The following ZSCAN25 variants were observed in gnomAD, a reference collection of about 807,000 sequenced individuals.
ZSCAN25 encodes zinc finger and SCAN domain containing 25, also known as zinc finger and SCAN domain-containing protein 25.
In ZSCAN25, 27 loss-of-function variants were observed where a neutral mutation model predicts 38.7. The observed-to-expected ratio is 0.70, with a 90% CI of 0.51 to 0.96. ZSCAN25 has a LOEUF of 0.96. ZSCAN25 is among the 40% of genes least tolerant of loss of function. The pLI, the probability that ZSCAN25 is intolerant of heterozygous loss-of-function variation, is 0.00. For synonymous variants in ZSCAN25, 273 were observed against 277.7 expected (o/e 0.98, Z 0.17); for missense variants, 637 against 705.9 (o/e 0.90, Z 1.11).
At chr7:99,715,623 C>A in the ZSCAN25 span, 4 of 1,446,518 alleles carry the variant, frequency 2.8e-6, no homozygotes, top group African/African-American at 2.8e-5. Flanking sequence ...TGGTGATGGT[C>A]GTACATATCT....
At chr7:99,682,619 G>C in the ZSCAN25 span, among the ~76,000 whole-genome samples, 18 of 151,406 alleles carry the variant, frequency 1.2e-4, no homozygotes, top group African/African-American at 3.9e-4. Context: ...GTCTTTTGTG[G>C]TTCCATACAA....
the ZSCAN25 span, chr7:99,717,198 C>T: frequency 6.2e-7 from 1 of 1,613,920 alleles, no homozygotes; most frequent in Non-Finnish European, 8.5e-7. Flanking sequence ...GACAGGCTTG[C>T]CTGTCTCTGC....
intron 5 of ZSCAN25, 181 bp from the exon 6 acceptor site, chr7:99,622,368 G>A (rs994560934): frequency 1.5e-6 from 1 of 660,882 alleles, no homozygotes; most frequent in Non-Finnish European, 2.7e-6. Flanking sequence ...CTGAGAATAG[G>A]GCAAGGGACA....
the ZSCAN25 span, among the ~76,000 whole-genome samples, chr7:99,726,296 T>TTATCC: frequency 6.6e-6 from 1 of 152,184 alleles, no homozygotes; most frequent in Non-Finnish European, 1.5e-5. Flanking sequence ...TTGAAGCCTG[T>TTATCC]TATCACTCAC....
At chr7:99,638,861 A>C in the ZSCAN25 span, 1 of 613,062 alleles carries the variant, frequency 1.6e-6, no homozygotes, top group African/African-American at 1.8e-5. Context: ...GAAGGCTCCC[A>C]GCCTTTGCGG....
chr7:99,642,834 G>A, the ZSCAN25 span, among the ~76,000 whole-genome samples: 1 of 152,070 alleles, frequency 6.6e-6, no homozygotes, highest in Non-Finnish European at 1.5e-5. Flanking sequence ...ACCTAGAATG[G>A]TGCTTGGTAC....
the ZSCAN25 span, chr7:99,679,756 A>G: frequency 2.1e-6 from 3 of 1,441,640 alleles, no homozygotes; most frequent in African/African-American, 1.4e-5. Flanking sequence ...CAAAACAGAT[A>G]AGGGAAAAGG....
At chr7:99,685,146 T>G in the ZSCAN25 span, 1 of 1,599,046 alleles carries the variant, frequency 6.3e-7, no homozygotes, top group Non-Finnish European at 8.6e-7. Context: ...AAATTCAGGT[T>G]CCACTTACGG....
At chr7:99,627,737 T>C (rs1490253591) in intron 7 of ZSCAN25, among the ~76,000 whole-genome samples, 1 of 151,290 alleles carries the variant, frequency 6.6e-6, no homozygotes, top group Non-Finnish European at 1.5e-5. Flanking sequence ...TCGTATATGC[T>C]GTATACGTAT....
chr7:99,619,921 T>C lies in ZSCAN25; in HGVS notation c.315T>C (p.His105=). Residue 105 remains histidine, a synonymous_variant, in exon 4 of 8, where the codon CAT becomes CAC. Coordinates refer to ENST00000394152, the MANE Select transcript of ZSCAN25 (RefSeq NM_145115.3). ...PREFYAWIRE[H]GPESGKALAA... ...AGTTCTACGCCTGGATCCGGGAGCA[T>C]GGCCCAGAGAGTGGCAAGGCCCTGG... The C allele has an allele frequency of 6.2e-7, 1 of 1,614,226 alleles. No homozygotes were observed. Among genetic ancestry groups the C allele is most frequent in the Non-Finnish European group, 8.5e-7 (1 of 1,180,046 alleles).
the ZSCAN25 span, chr7:99,667,004 T>C: frequency 1.2e-6 from 2 of 1,614,026 alleles, no homozygotes; most frequent in Non-Finnish European, 8.5e-7. Flanking sequence ...CCGTATTCTC[T>C]TCCATTCTTC....
chr7:99,696,502 G>A, the ZSCAN25 span, among the ~76,000 whole-genome samples: 1 of 152,160 alleles, frequency 6.6e-6, no homozygotes, highest in Admixed American at 6.5e-5. Flanking sequence ...TGGCCTCGTA[G>A]AAATGCAAGC....
chr7:99,730,950 A>T, the ZSCAN25 span: 3 of 1,420,734 alleles, frequency 2.1e-6, no homozygotes, highest in Non-Finnish European at 2.9e-6. Flanking sequence ...GCTATTTCTG[A>T]AAGTATAAAA....
At chr7:99,655,501 G>A in the ZSCAN25 span, among the ~76,000 whole-genome samples, 1 of 152,214 alleles carries the variant, frequency 6.6e-6, no homozygotes. Flanking sequence ...ATAGTTTGAA[G>A]TCAGGTAGCA....
chr7:99,708,723 T>A, the ZSCAN25 span, among the ~76,000 whole-genome samples: 1 of 152,192 alleles, frequency 6.6e-6, no homozygotes, highest in African/African-American at 2.4e-5. Flanking sequence ...AATATTCATT[T>A]GTGGGACATA....
the ZSCAN25 span, among the ~76,000 whole-genome samples, chr7:99,661,792 T>C: frequency 3.3e-5 from 5 of 152,248 alleles, no homozygotes; most frequent in Non-Finnish European, 7.3e-5. Context: ...AACCCCATTA[T>C]ACTGAGTTGA....
At chr7:99,699,632 C>T in the ZSCAN25 span, among the ~76,000 whole-genome samples, 2 of 152,134 alleles carry the variant, frequency 1.3e-5, no homozygotes, top group East Asian at 3.9e-4. Flanking sequence ...CACTTCTCGT[C>T]TTGTTCAGCA....
At chr7:99,675,643 TCCCCCCTCCCCTCCC>T in the ZSCAN25 span, among the ~76,000 whole-genome samples, 1 of 14,378 alleles carries the variant, frequency 7.0e-5, no homozygotes, top group Non-Finnish European at 1.6e-4. Flanking sequence ...TCTCCTCTCC[TCCCCCCTCCCCTCCC>T]CTCCCCTCCC....
the ZSCAN25 span, chr7:99,671,915 A>G: frequency 2.9e-6 from 2 of 695,778 alleles, no homozygotes; most frequent in East Asian, 2.7e-5. Flanking sequence ...CTACCCACAC[A>G]CATAAACACA....
Sources: allele counts gnomAD v4.1 joint callset (sites outside exome capture counted in the v4.1 genomes callset), GRCh38; gene constraint gnomAD v4.1.1; transcripts MANE v1.5; gene names NCBI Gene and HGNC (gene_info 2026-07-23, HGNC 2026-07-21).